The following PACC1 variants were observed in gnomAD, a reference collection of about 807,000 sequenced individuals.
PACC1 encodes proton activated chloride channel 1, also known as proton-activated chloride channel.
A neutral mutation model predicts 39.7 loss-of-function variants in PACC1; 34 were observed. The observed-to-expected ratio is 0.86, with a 90% CI of 0.65 to 1.14. The LOEUF (loss-of-function observed/expected upper bound fraction) is 1.14, where lower values mean the gene tolerates loss of function less well. Ranked by LOEUF, PACC1 falls within the 50% of genes most tolerant of loss-of-function variation. The pLI, the probability that PACC1 is intolerant of heterozygous loss-of-function variation, is 0.00. For synonymous variants in PACC1, 127 were observed against 160.6 expected (o/e 0.79, Z 1.58); for missense variants, 379 against 436.4 (o/e 0.87, Z 1.17).
At chr1:212,406,907 C>A (rs1571680952) in intron 2 of PACC1, among the ~76,000 whole-genome samples, 1 of 152,236 alleles carries the variant, frequency 6.6e-6, no homozygotes, top group Non-Finnish European at 1.5e-5. Flanking sequence ...CAAGCCTCAT[C>A]TTTCCAAGTC....
chr1:212,396,684 C>T (rs932748949), intron 2 of PACC1, among the ~76,000 whole-genome samples: 6 of 141,116 alleles, frequency 4.3e-5, no homozygotes, highest in African/African-American at 8.0e-5. Context: ...GCTCAATAAA[C>T]GCCAACCAGG....
At position 212,414,816 on chromosome 1, in the gene PACC1, A is replaced by G. The variant is rs1571691398; in HGVS notation, c.-59T>C. The G allele has an allele frequency of 6.2e-7, 1 of 1,601,594 alleles. No homozygotes were observed. Among genetic ancestry groups the G allele is most frequent in the Non-Finnish European group, 8.5e-7 (1 of 1,170,392 alleles). On this transcript the variant is annotated 5_prime_UTR_variant, in exon 1 of 8. Transcript: ENST00000261455. Reference sequence around the variant, plus strand: ...GCCCCAGCCCGCGGCGCACGGACGCAGCACTGCGGCCGCTGCACCTGGACC... The same window carrying G: ...GCCCCAGCCCGCGGCGCACGGACGCGGCACTGCGGCCGCTGCACCTGGACC...
intron 2 of PACC1, among the ~76,000 whole-genome samples, chr1:212,408,397 G>A (rs1328870031): frequency 6.6e-6 from 1 of 150,758 alleles, no homozygotes; most frequent in Non-Finnish European, 1.5e-5. Context: ...TCTCACTCTT[G>A]TCACCCAGGC....
chr1:212,395,267 C>T (rs1661470256), intron 2 of PACC1, among the ~76,000 whole-genome samples: 1 of 152,110 alleles, frequency 6.6e-6, no homozygotes, highest in Non-Finnish European at 1.5e-5. Context: ...GAACAGAGCC[C>T]TCAGAAATAA....
At chr1:212,380,074 A>G in intron 4 of PACC1, 37 bp from the exon 5 acceptor site, 1 of 1,605,642 alleles carries the variant, frequency 6.2e-7, no homozygotes, top group African/African-American at 1.3e-5. Context: ...CAGTCCTGGG[A>G]GAGTACACAG....
At chr1:212,412,624 A>G (rs1662178031) in intron 1 of PACC1, among the ~76,000 whole-genome samples, 1 of 152,230 alleles carries the variant, frequency 6.6e-6, no homozygotes, top group Non-Finnish European at 1.5e-5. Context: ...AGTGCCTCCC[A>G]CTTTGGAGAT....
At chr1:212,413,903 A>G (rs1420464364) in intron 1 of PACC1, 1 of 1,534,122 alleles carries the variant, frequency 6.5e-7, no homozygotes, top group Non-Finnish European at 8.7e-7. Flanking sequence ...CCGACCTGGA[A>G]CTGCCTGACT....
At position 212,370,903 on chromosome 1, in the gene PACC1, A is replaced by C. The variant is rs540017951; in HGVS notation, c.891+4290T>G. On this transcript the variant is annotated intron_variant, in intron 7 of 7. Coordinates refer to ENST00000261455, the MANE Select transcript of PACC1 (RefSeq NM_018252.3). ...AAAAGAACAAACCCAAATTTATCAG[A>C]ATAATAATTATCAGAGCAGAAATAA... is the stretch of plus-strand genomic sequence containing the variant. Among the ~76,000 whole-genome samples the C allele has an allele frequency of 2.0e-5, 3 of 152,350 alleles. No homozygotes were observed. In the South Asian group the frequency reaches 6.2e-4, roughly 32 times the overall value.
chr1:212,413,787 G>C (rs1662221957), intron 1 of PACC1: 1 of 1,206,128 alleles, frequency 8.3e-7, no homozygotes, highest in Non-Finnish European at 1.1e-6. Context: ...GTGAAGGCAG[G>C]GCCTCAAGGC....
At chr1:212,370,192 T>G (rs758644490) in intron 7 of PACC1, among the ~76,000 whole-genome samples, 3 of 152,062 alleles carry the variant, frequency 2.0e-5, no homozygotes, top group Non-Finnish European at 4.4e-5. Context: ...TCTGGCCAGG[T>G]GCGGAGGCTC....
At chr1:212,399,902 T>C (rs1270419348) in intron 2 of PACC1, among the ~76,000 whole-genome samples, 1 of 151,556 alleles carries the variant, frequency 6.6e-6, no homozygotes, top group African/African-American at 2.4e-5. Flanking sequence ...TAGAGTGCAA[T>C]GGTGCAATCT....
In PACC1 at chr1:212,380,984, T is replaced by G. The variant is rs1660856821; in HGVS notation, c.496-947A>C. 2.6e-5 allele frequency among the ~76,000 whole-genome samples: 4 copies of G among 152,248 alleles called. No homozygotes were observed. The South Asian group carries it at 8.3e-4, about 32-fold the overall frequency. ...TACATCAACTTTTATAAATAAATGC[T>G]CTACAGAGATTTGAAAAAGAGTGAG... On this transcript the variant is annotated intron_variant, in intron 4 of 7. Coordinates refer to ENST00000261455, the MANE Select transcript of PACC1 (RefSeq NM_018252.3).
intron 5 of PACC1, among the ~76,000 whole-genome samples, 168 bp from the exon 6 acceptor site, chr1:212,377,874 A>G (rs1660727151): frequency 6.6e-6 from 1 of 152,158 alleles, no homozygotes; most frequent in Non-Finnish European, 1.5e-5. Flanking sequence ...GTCACCAGCA[A>G]AAGCAAGGCC....
In PACC1 at chr1:212,386,943, CT is replaced by C. The variant is rs764121530; in HGVS notation, c.290del (p.Lys97SerfsTer42). The C allele has an allele frequency of 1.2e-5, 19 of 1,614,014 alleles. No homozygotes were observed. The highest frequency in any genetic ancestry group is 1.7e-6 in the Non-Finnish European group (2 of 1,180,024). The part of the protein sequence containing the change: ...RTITDFREKL[K>X]HPVMSVSYKE... ...TGTAAGACACAGACATGACAGGGTG[CT>C]TGAGTTTCTCACGAAAGTCTGTGAT... On this transcript the variant is annotated frameshift_variant, in exon 3 of 8. Transcript: ENST00000261455. LOFTEE classifies it high-confidence loss of function. This position sits in a 1 kb window ranked among gnomAD's most constrained non-coding sequence, Gnocchi z 5.0.
At chr1:212,394,525 C>G (rs1661441964) in intron 2 of PACC1, among the ~76,000 whole-genome samples, 1 of 152,120 alleles carries the variant, frequency 6.6e-6, no homozygotes, top group South Asian at 2.1e-4. Context: ...AAAACTGGCA[C>G]AAGACAGGGA....
intron 7 of PACC1, among the ~76,000 whole-genome samples, chr1:212,370,205 G>A (rs1660394362): frequency 6.6e-6 from 1 of 152,170 alleles, no homozygotes; most frequent in South Asian, 2.1e-4. Context: ...GGAGGCTCAC[G>A]CCTGTAATCC....
rs1348659720 is a variant in PACC1, at chr1:212,386,555, A to T, written c.343+336T>A. Among the ~76,000 whole-genome samples, 2 of 151,892 alleles carry T rather than the reference A, an allele frequency of 1.3e-5. No homozygotes were observed. The highest frequency in any genetic ancestry group is 6.6e-5 in the Admixed American group (1 of 15,258). ...CCAGAGAAGCCCTCTGCCTCCCTAG[A>T]CACCCCTTCGCTCTGCTGATCCCCA... On this transcript the variant is annotated intron_variant, in intron 3 of 7. Transcript: ENST00000261455. This position sits in a 1 kb window ranked among gnomAD's most constrained non-coding sequence, Gnocchi z 5.0.
Position 212,385,290 on chromosome 1 carries a change from A to C in PACC1, c.479T>G (p.Phe160Cys), listed in dbSNP as rs1054350191. 3 of 1,613,868 alleles carry C rather than the reference A, an allele frequency of 1.9e-6. No individual in the cohort carries two copies. In the African/African-American group the frequency reaches 4.0e-5, roughly 22 times the overall value. ...TTQRINYTDP[F>C]SNQTVKSALI... ...AGGAATTACCACAGTCTGATTGGAG[A>C]AGGGGTCCGTGTAGTTGATCCTCTG... The change falls in exon 4 of 8, where the codon TTC becomes TGC. Residue 160 changes from phenylalanine (F) to cysteine (C), a missense_variant. Coordinates refer to ENST00000261455, the MANE Select transcript of PACC1 (RefSeq NM_018252.3).
intron 2 of PACC1, chr1:212,410,077 A>C (rs1461272097): frequency 3.6e-6 from 1 of 274,858 alleles, no homozygotes; most frequent in Non-Finnish European, 7.2e-6. Context: ...CTAGTATCTG[A>C]AAGAGGGGGC....
Sources: allele counts gnomAD v4.1 joint callset (sites outside exome capture counted in the v4.1 genomes callset), GRCh38; gene constraint gnomAD v4.1.1; non-coding constraint Gnocchi (gnomAD v3.1); transcripts MANE v1.5; gene names NCBI Gene and HGNC (gene_info 2026-07-23, HGNC 2026-07-21).